The following NEK1 variants were observed in gnomAD, a reference collection of about 807,000 sequenced individuals.
NEK1 encodes the protein serine/threonine-protein kinase Nek1.
Under a neutral mutation model 182.1 loss-of-function variants are expected in NEK1, and 137 were observed. The ratio of observed to expected loss-of-function variants is 0.75; its 90% CI spans 0.65 to 0.87. The LOEUF is 0.87. Among genes scored for constraint, NEK1 ranks in the 40% least tolerant of loss-of-function variants. The pLI is 0.00. For missense variants in NEK1, 1,391 were observed against 1,494.4 expected, an observed-to-expected ratio of 0.93 and a Z score of 1.14; for synonymous variants, 513 against 492.2, an observed-to-expected ratio of 1.04 and a Z score of -0.56.
intron 18 of NEK1, chr4:169,555,395 A>G: frequency 6.9e-6 from 2 of 290,522 alleles, no homozygotes; most frequent in South Asian, 7.0e-5. Flanking sequence ...GATTCAATTT[A>G]GATTTATATC....
chr4:169,541,150 G>A (rs1759344831), intron 18 of NEK1, among the ~76,000 whole-genome samples: 1 of 152,074 alleles, frequency 6.6e-6, no homozygotes, highest in African/African-American at 2.4e-5. Flanking sequence ...GGGTGGTACA[G>A]GATTACTGAG....
intron 12 of NEK1, among the ~76,000 whole-genome samples, chr4:169,572,275 G>T (rs565326965): frequency 2.0e-5 from 3 of 152,116 alleles, no homozygotes; most frequent in Admixed American, 1.3e-4. Context: ...TAGTCAGACC[G>T]TGAATATATT....
intron 29 of NEK1, among the ~76,000 whole-genome samples, chr4:169,427,285 C>T (rs1374489769): frequency 6.6e-6 from 1 of 151,912 alleles, no homozygotes; most frequent in African/African-American, 2.4e-5. Context: ...CGCCACCATG[C>T]CCGGCTAATT....
intron 16 of NEK1, among the ~76,000 whole-genome samples, chr4:169,556,842 T>C (rs1383596457): frequency 6.6e-6 from 1 of 151,610 alleles, no homozygotes; most frequent in Non-Finnish European, 1.5e-5. Context: ...GGAGAGTAAA[T>C]ATGAGCCAAG....
intron 19 of NEK1, among the ~76,000 whole-genome samples, chr4:169,536,903 T>G (rs6838147): frequency 0.97 from 148,324 of 152,256 alleles, 72,344 homozygotes; most frequent in East Asian, 1. Context: ...AAAACAAATT[T>G]AAGTATCTGT....
chr4:169,590,151 T>TA (rs1231433284), intron 6 of NEK1, among the ~76,000 whole-genome samples: 3 of 151,668 alleles, frequency 2.0e-5, no homozygotes, highest in Admixed American at 2.0e-4. Context: ...CTACTAAAAC[T>TA]AAAAAAAATT....
At chr4:169,476,026 A>C (rs962468350) in intron 26 of NEK1, among the ~76,000 whole-genome samples, 1 of 152,168 alleles carries the variant, frequency 6.6e-6, no homozygotes, top group Non-Finnish European at 1.5e-5. Context: ...ATATTAGAAG[A>C]AATGATGGCT....
chr4:169,458,356 G>A (rs1293175995), intron 27 of NEK1, among the ~76,000 whole-genome samples: 4 of 151,930 alleles, frequency 2.6e-5, no homozygotes, highest in Non-Finnish European at 4.4e-5. Flanking sequence ...ATCTACTTAC[G>A]AAAAAAATGT....
chr4:169,539,756 G>A (rs986334369), intron 18 of NEK1, among the ~76,000 whole-genome samples: 6 of 152,066 alleles, frequency 3.9e-5, no homozygotes, highest in African/African-American at 1.4e-4. Context: ...CTTTTGGGGG[G>A]TCCTGGAAGT....
intron 27 of NEK1, among the ~76,000 whole-genome samples, chr4:169,454,563 C>T (rs187448558): frequency 3.3e-5 from 5 of 152,104 alleles, no homozygotes; most frequent in South Asian, 2.1e-4. Context: ...ATGTGGCCAA[C>T]AAACATATGA....
intron 27 of NEK1, among the ~76,000 whole-genome samples, chr4:169,461,010 A>G (rs1253541453): frequency 1.3e-5 from 2 of 152,236 alleles, no homozygotes; most frequent in Non-Finnish European, 2.9e-5. Flanking sequence ...AGACTAAAAT[A>G]AAGAACACCA....
At chr4:169,506,978 C>T (rs985322318) in intron 23 of NEK1, 59 bp downstream of exon 23, 11 of 1,134,868 alleles carry the variant, frequency 9.7e-6, no homozygotes, top group Non-Finnish European at 1.3e-5. Context: ...ATGTACTACC[C>T]AGGAAGAGCT....
intron 5 of NEK1, among the ~76,000 whole-genome samples, chr4:169,594,631 T>C (rs554815753): frequency 6.6e-6 from 1 of 152,300 alleles, no homozygotes; most frequent in South Asian, 2.1e-4. Flanking sequence ...CAATATTTTG[T>C]CACTTTGATT....
intron 26 of NEK1, among the ~76,000 whole-genome samples, chr4:169,472,672 G>A (rs547669256): frequency 6.6e-6 from 1 of 152,244 alleles, no homozygotes; most frequent in South Asian, 2.1e-4. Flanking sequence ...TTGCCTCAGA[G>A]GTGCTCTCAA....
At chr4:169,477,835 A>G (rs1408267759) in intron 24 of NEK1, among the ~76,000 whole-genome samples, 1 of 149,930 alleles carries the variant, frequency 6.7e-6, no homozygotes, top group Non-Finnish European at 1.5e-5. Context: ...TAGAGGAAAA[A>G]GTAGAAATTA....
At chr4:169,577,564 T>C (rs951279573) in intron 11 of NEK1, among the ~76,000 whole-genome samples, 4 of 151,976 alleles carry the variant, frequency 2.6e-5, no homozygotes, top group Admixed American at 2.0e-4. Context: ...TCAGGAGATC[T>C]AGACCATGGT....
intron 5 of NEK1, among the ~76,000 whole-genome samples, chr4:169,593,922 G>A (rs918702092): frequency 1.3e-5 from 2 of 151,430 alleles, no homozygotes; most frequent in African/African-American, 4.9e-5. Flanking sequence ...CCGGGAGACG[G>A]AGCTTGCAGT....
At chr4:169,529,974 GA>G (rs1561355769) in intron 19 of NEK1, among the ~76,000 whole-genome samples, 1 of 151,968 alleles carries the variant, frequency 6.6e-6, no homozygotes, top group Non-Finnish European at 1.5e-5. Context: ...AACACTTTTG[GA>G]AAAAAGAGTT....
At chr4:169,570,395 C>T (rs184949722) in intron 12 of NEK1, among the ~76,000 whole-genome samples, 14,211 of 150,264 alleles carry the variant, frequency 0.095, 830 homozygotes, top group East Asian at 0.16. Context: ...CTGCCCAGTC[C>T]GAGAGGGAGG....
Sources: allele counts gnomAD v4.1 joint callset (sites outside exome capture counted in the v4.1 genomes callset), GRCh38; gene constraint gnomAD v4.1.1; transcripts MANE v1.5; gene names NCBI Gene and HGNC (gene_info 2026-07-23, HGNC 2026-07-21).